Variants in PRKCE observed in about 807,000 individuals in gnomAD.
PRKCE encodes protein kinase C epsilon, also known as protein kinase C epsilon type.
A neutral mutation model predicts 85.4 loss-of-function variants in PRKCE; 16 were observed. The ratio of observed to expected loss-of-function variants is 0.19; its 90% CI spans 0.13 to 0.28. PRKCE has a LOEUF of 0.28. Ranked by LOEUF, PRKCE falls within the 10% of genes least tolerant of loss-of-function variation. The pLI, the probability that PRKCE is intolerant of heterozygous loss-of-function variation, is 1.00. For missense variants in PRKCE, 573 were observed against 975.2 expected, an observed-to-expected ratio of 0.59 and a Z score of 5.49; for synonymous variants, 388 against 371.5, an observed-to-expected ratio of 1.04 and a Z score of -0.51.
In PRKCE at chr2:45,745,764, A is replaced by C. The variant is rs139281975; in HGVS notation, c.348+93316A>C. On this transcript the variant is annotated intron_variant, in intron 1 of 14. Coordinates refer to ENST00000306156, the MANE Select transcript of PRKCE (RefSeq NM_005400.3). ...TGGACCAGCCCCTGAGTGTGTCCTC[A>C]GTATCTGAACAGTGGTGAGGTGGGG... Among the ~76,000 whole-genome samples, 16 of 152,246 alleles carry C rather than the reference A, an allele frequency of 1.1e-4. No homozygotes were observed. The East Asian group carries it at 3.1e-3, about 29-fold the overall frequency.
intron 2 of PRKCE, among the ~76,000 whole-genome samples, chr2:45,863,069 G>A (rs571798591): frequency 1.3e-5 from 2 of 152,320 alleles, no homozygotes; most frequent in South Asian, 4.1e-4. Context: ...GGACTGGGGG[G>A]TTGTGGGAGA....
At chr2:45,843,897 T>C (rs61763788) in intron 2 of PRKCE, among the ~76,000 whole-genome samples, 2 of 152,354 alleles carry the variant, frequency 1.3e-5, no homozygotes, top group African/African-American at 4.8e-5. Flanking sequence ...TGGAAGACCA[T>C]GTGTAGTTCC....
At chr2:45,840,055 A>C (rs548253786) in intron 1 of PRKCE, among the ~76,000 whole-genome samples, 1 of 152,310 alleles carries the variant, frequency 6.6e-6, no homozygotes, top group East Asian at 1.9e-4. Context: ...AAAGATGGGC[A>C]TGGTGCCTGC....
intron 2 of PRKCE, among the ~76,000 whole-genome samples, chr2:45,903,324 T>G (rs1696709073): frequency 6.6e-6 from 1 of 152,164 alleles, no homozygotes; most frequent in Non-Finnish European, 1.5e-5. Context: ...AAATACTAAT[T>G]TTGTGAATAT....
intron 12 of PRKCE, among the ~76,000 whole-genome samples, chr2:46,147,805 A>G (rs565032959): frequency 3.9e-5 from 6 of 152,360 alleles, no homozygotes; most frequent in South Asian, 4.1e-4. Context: ...TAGGAAACGC[A>G]ATCCTGAGAA....
intron 1 of PRKCE, among the ~76,000 whole-genome samples, chr2:45,830,072 C>CAAA (rs34553119): frequency 3.7e-5 from 4 of 108,888 alleles, no homozygotes; most frequent in Non-Finnish European, 7.4e-5. Context: ...GACTCCGTCT[C>CAAA]AAAAAAAAAA....
rs1469554692 is a variant in PRKCE, at chr2:46,004,218, A to C, written c.967-324A>C. 2.9e-6 allele frequency: 1 copy of C among 347,292 alleles called. No homozygotes were observed. The highest frequency in any genetic ancestry group is 2.1e-5 in the African/African-American group (1 of 46,892). The allele number at this position is 347,292 out of a possible 1,614,324, so 21.5% of individuals were successfully genotyped here. A position where few individuals can be genotyped will look rare whatever the true frequency, so the allele number is the denominator to read the frequency against. On this transcript the variant is annotated intron_variant, in intron 7 of 14. Transcript: ENST00000306156. This position sits in a 1 kb window ranked among gnomAD's most constrained non-coding sequence, Gnocchi z 4.1. ...ATGGTGTCCTCGCACAACCCGAACT[A>C]CTTCATCCTTTTGGATGGGGTTGGA...
intron 1 of PRKCE, among the ~76,000 whole-genome samples, chr2:45,663,559 G>A (rs557658188): frequency 4.3e-4 from 65 of 152,198 alleles, no homozygotes; most frequent in African/African-American, 1.1e-3. Context: ...CGAGGCAGGC[G>A]GATCACAAGG....
At chr2:45,881,606 A>T (rs1423035982) in intron 2 of PRKCE, among the ~76,000 whole-genome samples, 4 of 152,228 alleles carry the variant, frequency 2.6e-5, no homozygotes, top group Non-Finnish European at 4.4e-5. Context: ...GATTTTAACT[A>T]TGTGATGTTT....
At chr2:45,991,042 T>A (rs1397391789) in intron 6 of PRKCE, among the ~76,000 whole-genome samples, 1 of 151,864 alleles carries the variant, frequency 6.6e-6, no homozygotes, top group African/African-American at 2.4e-5. Context: ...AGTCTCACTT[T>A]GTCACCCAGG....
At position 46,004,408 on chromosome 2, in the gene PRKCE, G is replaced by T; in HGVS notation, c.967-134G>T. 1.3e-6 allele frequency: 1 copy of T among 756,188 alleles called. No homozygotes were observed. Among genetic ancestry groups the T allele is most frequent in the Non-Finnish European group, 2.2e-6 (1 of 456,980 alleles). The allele number at this position is 756,188 out of a possible 1,614,324, so 46.8% of individuals were successfully genotyped here. A position where few individuals can be genotyped will look rare whatever the true frequency, so the allele number is the denominator to read the frequency against. ...GGCTACTTTGGCGATGGCTGCAAGA[G>T]GACAGAGATCTACTGAATTCCTGCT... On this transcript the variant is annotated intron_variant, in intron 7 of 14. Coordinates refer to ENST00000306156, the MANE Select transcript of PRKCE (RefSeq NM_005400.3). The surrounding 1 kb of genome is among the most constrained non-coding windows in gnomAD (Gnocchi z 4.1).
intron 1 of PRKCE, among the ~76,000 whole-genome samples, chr2:45,837,723 C>T (rs900647059): frequency 3.3e-5 from 5 of 152,052 alleles, no homozygotes; most frequent in African/African-American, 1.2e-4. Context: ...AGATTCTCAA[C>T]AGCACTAATA....
chr2:45,968,112 A>G (rs1172390495), intron 2 of PRKCE, among the ~76,000 whole-genome samples: 2 of 152,196 alleles, frequency 1.3e-5, no homozygotes. Context: ...TCTTGGCTCC[A>G]TATACTCTGG....
intron 1 of PRKCE, among the ~76,000 whole-genome samples, chr2:45,822,277 C>T (rs187902680): frequency 6.6e-6 from 1 of 152,196 alleles, no homozygotes; most frequent in South Asian, 2.1e-4. Context: ...AGGGAAGGCC[C>T]CATGGCATTT....
intron 1 of PRKCE, among the ~76,000 whole-genome samples, chr2:45,656,600 A>G (rs967795654): frequency 6.6e-6 from 1 of 152,264 alleles, no homozygotes; most frequent in Admixed American, 6.5e-5. Context: ...CATGTACATA[A>G]GAATCAGTAA....
At chr2:45,744,466 TTTC>T in intron 1 of PRKCE, among the ~76,000 whole-genome samples, 1 of 58,084 alleles carries the variant, frequency 1.7e-5, no homozygotes, top group Non-Finnish European at 3.5e-5. Flanking sequence ...TCTTTCTTTC[TTTC>T]TTTCTTTCTT....
intron 2 of PRKCE, among the ~76,000 whole-genome samples, chr2:45,890,476 T>A (rs1360325673): frequency 1.3e-5 from 2 of 151,996 alleles, no homozygotes; most frequent in African/African-American, 4.8e-5. Context: ...ACCTCCCAGG[T>A]TCAAGCAATT....
intron 1 of PRKCE, among the ~76,000 whole-genome samples, chr2:45,776,068 T>G (rs1159573018): frequency 6.6e-6 from 1 of 152,236 alleles, no homozygotes; most frequent in Non-Finnish European, 1.5e-5. Context: ...CATCCTGATC[T>G]CCTTACCCCA....
At chr2:45,995,355 C>G (rs1014695152) in intron 6 of PRKCE, among the ~76,000 whole-genome samples, 1 of 151,928 alleles carries the variant, frequency 6.6e-6, no homozygotes, top group Non-Finnish European at 1.5e-5. Flanking sequence ...TAATGAAGTT[C>G]AGCTTATCAG....
Sources: allele counts gnomAD v4.1 joint callset (sites outside exome capture counted in the v4.1 genomes callset), GRCh38; gene constraint gnomAD v4.1.1; non-coding constraint Gnocchi (gnomAD v3.1); transcripts MANE v1.5; gene names NCBI Gene and HGNC (gene_info 2026-07-23, HGNC 2026-07-21).